The following OSBPL1A variants were observed in gnomAD, a reference collection of about 807,000 sequenced individuals.
The protein encoded by OSBPL1A is oxysterol binding protein like 1A, also known as oxysterol-binding protein-related protein 1.
A neutral mutation model predicts 137.1 loss-of-function variants in OSBPL1A; 80 were observed. That is an observed-to-expected ratio of 0.58 (90% CI 0.49 to 0.70). The LOEUF (loss-of-function observed/expected upper bound fraction) is 0.70. OSBPL1A is among the 30% of genes least tolerant of loss of function. OSBPL1A has a pLI of 0.00. For synonymous variants in OSBPL1A, 365 were observed against 389.7 expected (o/e 0.94, Z 0.75); for missense variants, 970 against 1,129.4 (o/e 0.86, Z 2.02).
Position 24,225,191 on chromosome 18 carries a change from C to G in OSBPL1A, c.1452G>C (p.Glu484Asp). 3 of 1,614,030 alleles carry G rather than the reference C, an allele frequency of 1.9e-6. No individual in the cohort carries two copies. Among genetic ancestry groups the G allele is most frequent in the Non-Finnish European group, 2.5e-6 (3 of 1,179,942 alleles). The change falls in exon 17 of 28, where the codon GAG becomes GAC. Residue 484 changes from glutamate to aspartate, a missense_variant. Glu to Asp is a conservative substitution (Grantham distance 45). Coordinates refer to ENST00000319481, the MANE Select transcript of OSBPL1A (RefSeq NM_080597.4). ...DEFYDALSDS[E>D]SERSLSRLEA... ...CCAATCTACTCAGGGACCTTTCGGA[C>G]TCGGAATCTGTGGCAGAGCAGGTTC...
chr18:24,269,851 AAC>A (rs147895357), intron 15 of OSBPL1A, among the ~76,000 whole-genome samples: 353 of 139,972 alleles, frequency 2.5e-3, no homozygotes, highest in South Asian at 3.1e-3. Context: ...TGACAAGCCT[AAC>A]ACACACACAC....
At chr18:24,251,187 C>A (rs2089080627) in intron 15 of OSBPL1A, among the ~76,000 whole-genome samples, 1 of 152,210 alleles carries the variant, frequency 6.6e-6, no homozygotes, top group African/African-American at 2.4e-5. Context: ...GGAAACTTGT[C>A]ACCCTGAAAG....
At chr18:24,250,768 T>A (rs1599563332) in intron 15 of OSBPL1A, among the ~76,000 whole-genome samples, 1 of 152,198 alleles carries the variant, frequency 6.6e-6, no homozygotes, top group Non-Finnish European at 1.5e-5. Context: ...AAGTACCAGC[T>A]TGGCCACAGT....
At chr18:24,357,953 G>A (rs964578383) in intron 4 of OSBPL1A, 9 of 156,010 alleles carry the variant, frequency 5.8e-5, no homozygotes, top group African/African-American at 7.2e-5. Flanking sequence ...GCTCTGATTC[G>A]TATGCTAGAA....
intron 4 of OSBPL1A, among the ~76,000 whole-genome samples, chr18:24,342,201 T>A (rs1412293899): frequency 6.6e-6 from 1 of 152,178 alleles, no homozygotes; most frequent in Non-Finnish European, 1.5e-5. Flanking sequence ...AGCACGACAG[T>A]CTCCTGGAGT....
chr18:24,275,623 A>T (rs1177706497), intron 15 of OSBPL1A, among the ~76,000 whole-genome samples: 1 of 152,180 alleles, frequency 6.6e-6, no homozygotes, highest in Non-Finnish European at 1.5e-5. Flanking sequence ...CTCTTCAAAG[A>T]TACCAGTGTC....
chr18:24,229,452 T>G lies in OSBPL1A; in HGVS notation c.1445-4254A>C, dbSNP rs2088198225. On this transcript the variant is annotated intron_variant, in intron 16 of 27. Transcript: ENST00000319481. ...GAATAGAGAGATGTGGAATGTATACTGTGTGAAATAGTTTGGGCTTACTCT... is the reference window on the plus strand; with the variant it reads ...GAATAGAGAGATGTGGAATGTATACGGTGTGAAATAGTTTGGGCTTACTCT... Among the ~76,000 whole-genome samples the G allele has an allele frequency of 2.0e-5, 3 of 152,376 alleles. No homozygotes were observed. The South Asian group carries it at 6.2e-4, about 32-fold the overall frequency.
At chr18:24,266,518 G>A (rs2089578387) in intron 15 of OSBPL1A, among the ~76,000 whole-genome samples, 1 of 152,062 alleles carries the variant, frequency 6.6e-6, no homozygotes. Flanking sequence ...TACCACTCAA[G>A]AATAGAAAAG....
chr18:24,275,318 AAG>A (rs1030245054), intron 15 of OSBPL1A, among the ~76,000 whole-genome samples: 2 of 152,192 alleles, frequency 1.3e-5, no homozygotes, highest in Non-Finnish European at 2.9e-5. Context: ...AGGAAAGTAT[AAG>A]AGCAGATGCA....
intron 15 of OSBPL1A, 58 bp downstream of exon 15, chr18:24,280,782 GAC>G (rs1165412062): frequency 1.4e-5 from 16 of 1,173,774 alleles, no homozygotes; most frequent in Non-Finnish European, 1.9e-5. Flanking sequence ...TGACTTCATG[GAC>G]AACCACGCAT....
intron 1 of OSBPL1A, among the ~76,000 whole-genome samples, chr18:24,380,035 C>T (rs1184738378): frequency 6.6e-6 from 1 of 152,094 alleles, no homozygotes; most frequent in Non-Finnish European, 1.5e-5. Context: ...AACAAAAGAG[C>T]AGGAATCAGA....
chr18:24,310,432 C>CAAAAA (rs3039412), intron 13 of OSBPL1A, among the ~76,000 whole-genome samples: 13 of 89,716 alleles, frequency 1.4e-4, no homozygotes, highest in South Asian at 4.1e-4. Flanking sequence ...ACTAAAAATA[C>CAAAAA]AAAAAAAAAA....
At chr18:24,201,390 C>T (rs1182702640) in intron 17 of OSBPL1A, among the ~76,000 whole-genome samples, 1 of 152,176 alleles carries the variant, frequency 6.6e-6, no homozygotes, top group Non-Finnish European at 1.5e-5. Context: ...GTGCTTGAAT[C>T]CCCCTTGTTC....
chr18:24,272,601 G>T (rs1166261385), intron 15 of OSBPL1A, among the ~76,000 whole-genome samples: 1 of 152,164 alleles, frequency 6.6e-6, no homozygotes, highest in African/African-American at 2.4e-5. Flanking sequence ...ATGGTTAACT[G>T]TAACACTCTG....
chr18:24,255,440 C>A (rs1301286790), intron 15 of OSBPL1A, among the ~76,000 whole-genome samples: 1 of 152,144 alleles, frequency 6.6e-6, no homozygotes, highest in Non-Finnish European at 1.5e-5. Context: ...GGCCAGCCTG[C>A]CTCCCACTCT....
chr18:24,384,731 G>A (rs578073867), intron 1 of OSBPL1A, among the ~76,000 whole-genome samples: 6 of 151,804 alleles, frequency 4.0e-5, no homozygotes, highest in Admixed American at 1.3e-4. Flanking sequence ...TTAGCCAAGC[G>A]TGGTGGTGGG....
At chr18:24,390,129 T>C (rs1907218853) in intron 1 of OSBPL1A, among the ~76,000 whole-genome samples, 1 of 152,108 alleles carries the variant, frequency 6.6e-6, no homozygotes, top group Non-Finnish European at 1.5e-5. Flanking sequence ...ATCTCAGACA[T>C]CCAGGCTCAA....
chr18:24,267,151 G>GT (rs2089598621), intron 15 of OSBPL1A, among the ~76,000 whole-genome samples: 1 of 131,456 alleles, frequency 7.6e-6, no homozygotes, highest in South Asian at 2.3e-4. Context: ...TCCAACCTAA[G>GT]TTAAAAAAAA....
intron 27 of OSBPL1A, among the ~76,000 whole-genome samples, chr18:24,163,732 CT>C (rs57777453): frequency 1.3e-3 from 191 of 145,120 alleles, no homozygotes; most frequent in South Asian, 1.8e-3. Context: ...CTTCAAACTC[CT>C]TTTTTTTTTT....
Sources: gnomAD v4.1 joint callset for allele counts (sites outside exome capture counted in the v4.1 genomes callset) on GRCh38, gnomAD v4.1.1 for gene constraint, MANE v1.5 for transcripts, NCBI Gene and HGNC (gene_info 2026-07-23, HGNC 2026-07-21) for gene names.